The following LEPR variants were observed in gnomAD, a reference collection of about 807,000 sequenced individuals.
The protein encoded by LEPR is leptin receptor.
Under a neutral mutation model 114.7 loss-of-function variants are expected in LEPR, and 56 were observed. That is an observed-to-expected ratio of 0.49 (90% CI 0.39 to 0.61). The LOEUF (loss-of-function observed/expected upper bound fraction) is 0.61, where lower values mean the gene tolerates loss of function less well. LEPR is among the 20% of genes least tolerant of loss of function. The pLI is 0.00. For synonymous variants in LEPR, 443 were observed against 461.4 expected (o/e 0.96, Z 0.51); for missense variants, 1,202 against 1,352.9 (o/e 0.89, Z 1.75).
chr1:65,565,967 T>C (rs1653723758), intron 3 of LEPR, among the ~76,000 whole-genome samples: 1 of 152,132 alleles, frequency 6.6e-6, no homozygotes, highest in African/African-American at 2.4e-5. Flanking sequence ...TGTTTATTTT[T>C]CCATTTAACA....
chr1:65,602,909 A>T (rs1200766558), intron 10 of LEPR, among the ~76,000 whole-genome samples: 1 of 152,164 alleles, frequency 6.6e-6, no homozygotes, highest in Non-Finnish European at 1.5e-5. Flanking sequence ...ATTGTTCATG[A>T]TATGAAATTT....
chr1:65,598,150 T>G (rs367928408), intron 7 of LEPR, among the ~76,000 whole-genome samples: 5 of 148,524 alleles, frequency 3.4e-5, no homozygotes, highest in African/African-American at 1.3e-4. Context: ...CTCAGGCTGG[T>G]CTTGAACTCC....
chr1:65,609,812 C>T, intron 12 of LEPR, 135 bp from the exon 13 acceptor site: 2 of 1,267,954 alleles, frequency 1.6e-6, no homozygotes, highest in Non-Finnish European at 2.3e-6. Flanking sequence ...GTGACTATTT[C>T]TGAAGGCAGA....
intron 2 of LEPR, among the ~76,000 whole-genome samples, chr1:65,565,013 G>A (rs969496333): frequency 6.6e-6 from 1 of 152,124 alleles, no homozygotes; most frequent in African/African-American, 2.4e-5. Flanking sequence ...TACCTCATCT[G>A]CAAATAAACA....
chr1:65,509,237 C>T (rs1402579167), intron 2 of LEPR, among the ~76,000 whole-genome samples: 6 of 152,014 alleles, frequency 3.9e-5, no homozygotes, highest in South Asian at 2.1e-4. Context: ...TGCATAGGAG[C>T]GGTGAGAGTG....
chr1:65,422,292 AATTGG>A (rs1251113943), intron 1 of LEPR, among the ~76,000 whole-genome samples: 1 of 152,190 alleles, frequency 6.6e-6, no homozygotes, highest in African/African-American at 2.4e-5. Context: ...CGGAGACAGA[AATTGG>A]AGTGATGCAG....
chr1:65,566,763 C>G lies in LEPR; in HGVS notation c.40+1158C>G, dbSNP rs148114689. Reference sequence around the variant, plus strand: ...GATTCTGAGCATCTCCTTGGCTACCCCAATCTAAAGGGGCTCTTCTAAGCT... The same window carrying G: ...GATTCTGAGCATCTCCTTGGCTACCGCAATCTAAAGGGGCTCTTCTAAGCT... On this transcript the variant is annotated intron_variant, in intron 3 of 19. Coordinates refer to ENST00000349533, the MANE Select transcript of LEPR (RefSeq NM_002303.6). 2.6e-3 allele frequency among the ~76,000 whole-genome samples: 400 copies of G among 152,274 alleles called. 2 individuals carry two copies. The highest frequency in any genetic ancestry group is 9.1e-3 in the African/African-American group (379 of 41,556).
At position 65,608,762 on chromosome 1, in the gene LEPR, T is replaced by A; in HGVS notation, c.1613T>A (p.Leu538Gln). The A allele has an allele frequency of 6.2e-7, 1 of 1,613,516 alleles. No individual in the cohort carries two copies. The highest frequency in any genetic ancestry group is 8.5e-7 in the Non-Finnish European group (1 of 1,179,726). The change falls in exon 12 of 20, where the codon CTG (leucine) becomes CAG (glutamine). Residue 538 changes from leucine (L) to glutamine (Q), a missense_variant. By Grantham distance (113) the Leu-to-Gln change is moderately radical. Coordinates refer to ENST00000349533, the MANE Select transcript of LEPR (RefSeq NM_002303.6). Reference sequence around the variant, plus strand: ...TTGTAAAAATTTCTAGTGAAGCCACTGCCTCCATCCAGTGTGAAAGCAGAA... The same window carrying A: ...TTGTAAAAATTTCTAGTGAAGCCACAGCCTCCATCCAGTGTGAAAGCAGAA... The part of the protein sequence containing the change: ...CVLPDSVVKP[L>Q]PPSSVKAEIT...
chr1:65,520,673 G>A (rs1649586826), intron 2 of LEPR, among the ~76,000 whole-genome samples: 1 of 124,032 alleles, frequency 8.1e-6, no homozygotes, highest in South Asian at 3.2e-4. Flanking sequence ...GAAAATCAGG[G>A]GTCTCAGCCT....
intron 11 of LEPR, among the ~76,000 whole-genome samples, chr1:65,605,984 C>T (rs1656782215): frequency 6.6e-6 from 1 of 151,962 alleles, no homozygotes; most frequent in South Asian, 2.1e-4. Flanking sequence ...GAATTTTCCC[C>T]TCAAATAAAA....
intron 2 of LEPR, among the ~76,000 whole-genome samples, chr1:65,514,868 T>G (rs1177848282): frequency 6.6e-6 from 1 of 152,236 alleles, no homozygotes; most frequent in African/African-American, 2.4e-5. Context: ...CATAAATACT[T>G]TAGGAAATAG....
chr1:65,603,165 A>G (rs886145519), intron 10 of LEPR, among the ~76,000 whole-genome samples: 4 of 152,188 alleles, frequency 2.6e-5, no homozygotes, highest in African/African-American at 9.7e-5. Flanking sequence ...TATTTCATCT[A>G]ATTATAATCA....
At chr1:65,628,010 A>C (rs943399790) in intron 19 of LEPR, among the ~76,000 whole-genome samples, 1 of 152,102 alleles carries the variant, frequency 6.6e-6, no homozygotes, top group Non-Finnish European at 1.5e-5. Context: ...CCCTTGGTTT[A>C]TATTAAATCT....
At chr1:65,630,410 T>TTA (rs1553174137) in intron 19 of LEPR, 3 of 105,588 alleles carry the variant, frequency 2.8e-5, no homozygotes, top group Non-Finnish European at 6.0e-5. Context: ...GAATGATCAA[T>TTA]AAAAAAAAAA....
intron 2 of LEPR, among the ~76,000 whole-genome samples, chr1:65,474,835 G>C (rs970355457): frequency 6.6e-6 from 1 of 151,764 alleles, no homozygotes; most frequent in Non-Finnish European, 1.5e-5. Flanking sequence ...GTGAAACCCT[G>C]TCTCTATTAA....
rs770114557 is a variant in LEPR at position 65,636,573 on chromosome 1, C to G, written c.3056C>G (p.Pro1019Arg). The change falls in exon 20 of 20, where the codon CCG becomes CGG. Residue 1019 changes from proline (P) to arginine (R), a missense_variant. Coordinates refer to ENST00000349533, the MANE Select transcript of LEPR (RefSeq NM_002303.6). ...AAGTGCTTCTCTAGCAAAAATTCTC[C>G]GTTGAAGGATTCTTTCTCTAATAGC... Reference protein sequence around the residue: ...VTKCFSSKNSPLKDSFSNSSW... With the variant: ...VTKCFSSKNSRLKDSFSNSSW... 3 of 1,614,042 alleles carry G rather than the reference C, an allele frequency of 1.9e-6. No individual in the cohort carries two copies. The highest frequency in any genetic ancestry group is 2.5e-6 in the Non-Finnish European group (3 of 1,180,000).
chr1:65,518,867 C>CTT (rs1456528957), intron 2 of LEPR, among the ~76,000 whole-genome samples: 52 of 140,348 alleles, frequency 3.7e-4, no homozygotes, highest in African/African-American at 9.2e-4. Context: ...TTCTTTCTTT[C>CTT]TTTCTTTTTC....
At position 65,633,090 on chromosome 1, in the gene LEPR, CTTT is replaced by C. The variant is rs1658587681; in HGVS notation, c.2674-3098_2674-3096del. On this transcript the variant is annotated intron_variant, in intron 19 of 19. Coordinates refer to ENST00000349533, the MANE Select transcript of LEPR (RefSeq NM_002303.6). The surrounding 1 kb of genome is among the most constrained non-coding windows in gnomAD (Gnocchi z 4.1). ...GACAATGTTTTTTGAAATCTTTTAT[CTTT>C]TTCTTTGTGAGTGATTTTTTATTTT... The C allele has an allele frequency of 7.5e-6, 9 of 1,194,454 alleles. No individual in the cohort carries two copies. Among genetic ancestry groups the C allele is most frequent in the Non-Finnish European group, 1.1e-5 (9 of 812,506 alleles). The allele number at this position is 1,194,454 out of a possible 1,614,324, so 74.0% of individuals were successfully genotyped here.
Position 65,616,090 on chromosome 1 carries a change from A to G in LEPR, c.2078A>G (p.Glu693Gly). The G allele has an allele frequency of 1.2e-6, 2 of 1,614,228 alleles. No homozygotes were observed. The highest frequency in any genetic ancestry group is 1.7e-6 in the Non-Finnish European group (2 of 1,180,026). The change falls in exon 15 of 20, where the codon GAA (glutamate) becomes GGA (glycine). Residue 693 changes from glutamate to glycine, a missense_variant. Transcript: ENST00000349533. ...ACTTCCTGCAATGGAACATGGTCAG[A>G]AGATGTGGGAAATCACACGAAATTC... is the stretch of plus-strand genomic sequence containing the variant. Reference protein sequence around the residue: ...HHTSCNGTWSEDVGNHTKFTF... With the variant: ...HHTSCNGTWSGDVGNHTKFTF...
Sources: allele counts gnomAD v4.1 joint callset (sites outside exome capture counted in the v4.1 genomes callset), GRCh38; gene constraint gnomAD v4.1.1; non-coding constraint Gnocchi (gnomAD v3.1); transcripts MANE v1.5; gene names NCBI Gene and HGNC (gene_info 2026-07-23, HGNC 2026-07-21).